PIK3R3: variants seen among roughly 807,000 people sequenced by gnomAD.
PIK3R3 encodes phosphatidylinositol 3-kinase regulatory subunit gamma.
A neutral mutation model predicts 62.9 loss-of-function variants in PIK3R3; 64 were observed. The ratio of observed to expected loss-of-function variants is 1.02; its 90% confidence interval spans 0.83 to 1.25. The LOEUF (loss-of-function observed/expected upper bound fraction) is 1.25, where lower values mean the gene tolerates loss of function less well. PIK3R3 is among the 50% of genes most tolerant of loss of function. The pLI, the probability that PIK3R3 is intolerant of heterozygous loss-of-function variation, is 0.00. For missense variants in PIK3R3, 614 were observed against 561.6 expected (o/e 1.09, Z -0.94); for synonymous variants, 165 against 189.0 (o/e 0.87, Z 1.04).
chr1:46,106,009 T>C (rs1372023215), intron 1 of PIK3R3, among the ~76,000 whole-genome samples: 2 of 152,190 alleles, frequency 1.3e-5, no homozygotes, highest in African/African-American at 4.8e-5. Flanking sequence ...AACTTACACA[T>C]GGCAATTATA....
chr1:46,098,425 T>C (rs1170089073), intron 1 of PIK3R3, among the ~76,000 whole-genome samples: 1 of 152,188 alleles, frequency 6.6e-6, no homozygotes, highest in African/African-American at 2.4e-5. Flanking sequence ...TTATTCAAAA[T>C]AGCTAAATGT....
intron 1 of PIK3R3, among the ~76,000 whole-genome samples, chr1:46,094,976 T>C (rs1165000208): frequency 6.6e-6 from 1 of 152,192 alleles, no homozygotes; most frequent in African/African-American, 2.4e-5. Context: ...ATATGATATT[T>C]TCATAAAATT....
At chr1:46,133,404 G>A (rs1021133540), upstream of PIK3R3, among the ~76,000 whole-genome samples, 7 of 152,190 alleles carry the variant, frequency 4.6e-5, no homozygotes, top group African/African-American at 1.7e-4. Context: ...ATTGGCCGCG[G>A]GGGAAGGGAG....
Position 46,080,662 on chromosome 1 carries a change from C to T in PIK3R3, c.195G>A (p.Trp65Ter). Residue 65 changes from tryptophan (W) to a stop codon, truncating the protein, a stop_gained, in exon 2 of 10, where the codon TGG becomes TGA. Coordinates refer to ENST00000262741, the MANE Select transcript of PIK3R3 (RefSeq NM_003629.4). LOFTEE classifies it high-confidence loss of function. Reference sequence around the variant, plus strand: ...GTTACCTTGAAATATCCCCCCAGTACCATTCTGCATCCTGAAGAGAAACAG... The same window carrying T: ...GTTACCTTGAAATATCCCCCCAGTATCATTCTGCATCCTGAAGAGAAACAG... ...DSSVSLQDAE[W>*]YWGDISREEV... 6.2e-7 allele frequency: 1 copy of T among 1,608,560 alleles called. No homozygotes were observed. Among genetic ancestry groups the T allele is most frequent in the Non-Finnish European group, 8.5e-7 (1 of 1,174,984 alleles).
chr1:46,155,135 C>T, the PIK3R3 span, among the ~76,000 whole-genome samples: 3 of 152,086 alleles, frequency 2.0e-5, no homozygotes, highest in African/African-American at 7.2e-5. Flanking sequence ...GCCTGGGTAA[C>T]ATGGCGAAAC....
chr1:46,090,911 T>G (rs1299641991), intron 1 of PIK3R3, among the ~76,000 whole-genome samples: 1 of 152,138 alleles, frequency 6.6e-6, no homozygotes, highest in African/African-American at 2.4e-5. Flanking sequence ...AATCAGAGCT[T>G]GATTTATTGT....
intron 1 of PIK3R3, among the ~76,000 whole-genome samples, chr1:46,085,829 A>G (rs1431473545): frequency 1.3e-5 from 2 of 152,196 alleles, no homozygotes; most frequent in African/African-American, 2.4e-5. Flanking sequence ...CATAAAATAT[A>G]TAGCACTTTT....
chr1:46,138,112 T>C, the PIK3R3 span, among the ~76,000 whole-genome samples: 1 of 152,228 alleles, frequency 6.6e-6, no homozygotes, highest in Admixed American at 6.5e-5. Flanking sequence ...ATTCAGCAGC[T>C]AGAAGAGAAA....
chr1:46,045,618 T>TTC lies in PIK3R3; in HGVS notation c.1187+299_1187+300insGA, dbSNP rs1491572547. On this transcript the variant is annotated intron_variant, in intron 9 of 9. Transcript: ENST00000262741. ...AGGATACTACTAAACAATTAAGTGC[T>TTC]TTTTTTTTTTTTTTTTTTTTTTTTT... Among the ~76,000 whole-genome samples the TTC allele has an allele frequency of 5.8e-5, 5 of 85,792 alleles. No homozygotes were observed. In the East Asian group the frequency reaches 1.5e-3, roughly 26 times the overall value. The allele number at this position is 85,792 out of a possible 152,430, so 56.3% of individuals were successfully genotyped here. A position where few individuals can be genotyped will look rare whatever the true frequency, so the allele number is the denominator to read the frequency against.
At chr1:46,062,796 C>T (rs1046791047) in intron 5 of PIK3R3, among the ~76,000 whole-genome samples, 1 of 151,912 alleles carries the variant, frequency 6.6e-6, no homozygotes, top group Non-Finnish European at 1.5e-5. Context: ...GCTTTGGTTT[C>T]GGTTTCGGTT....
intron 1 of PIK3R3, among the ~76,000 whole-genome samples, chr1:46,093,913 AC>A (rs1241229477): frequency 2.0e-5 from 3 of 151,766 alleles, no homozygotes; most frequent in Non-Finnish European, 4.4e-5. Flanking sequence ...TACAAAAAAT[AC>A]AGCAATCAGC....
chr1:46,077,177 T>C (rs938983371), intron 3 of PIK3R3, among the ~76,000 whole-genome samples: 1 of 152,216 alleles, frequency 6.6e-6, no homozygotes, highest in Non-Finnish European at 1.5e-5. Flanking sequence ...AGGAAGATAA[T>C]AGGGTTATTC....
At chr1:46,051,234 C>G (rs914483369) in intron 7 of PIK3R3, among the ~76,000 whole-genome samples, 1 of 151,798 alleles carries the variant, frequency 6.6e-6, no homozygotes, top group African/African-American at 2.4e-5. Context: ...AAAAATAAAA[C>G]CAGAACACAG....
the PIK3R3 span, among the ~76,000 whole-genome samples, chr1:46,143,520 T>C: frequency 5.9e-5 from 9 of 152,084 alleles, no homozygotes; most frequent in African/African-American, 2.2e-4. Flanking sequence ...CACAGCTCAC[T>C]GCAGCCTCGA....
chr1:46,163,232 T>C, the PIK3R3 span, among the ~76,000 whole-genome samples: 1 of 152,342 alleles, frequency 6.6e-6, no homozygotes, highest in African/African-American at 2.4e-5. Context: ...ACAGAATCTA[T>C]CACTTCATAA....
chr1:46,122,519 C>T (rs1654765804), intron 1 of PIK3R3, among the ~76,000 whole-genome samples: 1 of 152,100 alleles, frequency 6.6e-6, no homozygotes, highest in Admixed American at 6.6e-5. Context: ...ACAGGCGCGC[C>T]ACCACGCCTG....
chr1:46,065,798 A>C (rs1044790963), intron 5 of PIK3R3, among the ~76,000 whole-genome samples: 1 of 152,232 alleles, frequency 6.6e-6, no homozygotes, highest in Non-Finnish European at 1.5e-5. Context: ...GCCTATATAC[A>C]CATGAAAGAA....
Position 46,045,972 on chromosome 1 carries a change from C to A in PIK3R3, c.1133G>T (p.Gly378Val). Reference sequence around the variant, plus strand: ...GCTACTCTCACGAATTAAGAATGCACCATCAGGTTTCCCATAAAGCAAGTC... The same window carrying A: ...GCTACTCTCACGAATTAAGAATGCAACATCAGGTTTCCCATAAAGCAAGTC... ...AEDLLYGKPD[G>V]AFLIRESSKK... Residue 378 changes from glycine to valine, a missense_variant, in exon 9 of 10, where the codon GGT becomes GTT. By Grantham distance (109) the Gly-to-Val change is moderately radical (BLOSUM62 -3). Transcript: ENST00000262741. The A allele has an allele frequency of 6.2e-7, 1 of 1,613,592 alleles. No individual in the cohort carries two copies. Among genetic ancestry groups the A allele is most frequent in the Non-Finnish European group, 8.5e-7 (1 of 1,179,758 alleles).
intron 6 of PIK3R3, among the ~76,000 whole-genome samples, chr1:46,058,322 G>T (rs962715049): frequency 1.3e-5 from 2 of 152,252 alleles, no homozygotes; most frequent in Non-Finnish European, 2.9e-5. Flanking sequence ...GTGTGGAAGG[G>T]AAATGCGGGG....
Sources: allele counts gnomAD v4.1 joint callset (sites outside exome capture counted in the v4.1 genomes callset), GRCh38; gene constraint gnomAD v4.1.1; transcripts MANE v1.5; gene names NCBI Gene and HGNC (gene_info 2026-07-23, HGNC 2026-07-21).